Variants in EXOG observed in about 807,000 individuals in gnomAD.
EXOG encodes nuclease EXOG, mitochondrial.
A neutral mutation model predicts 25.8 loss-of-function variants in EXOG; 27 were observed. The ratio of observed to expected loss-of-function variants is 1.05; its 90% CI spans 0.77 to 1.45. EXOG has a LOEUF of 1.45. Among genes scored for constraint, EXOG ranks in the 40% most tolerant of loss-of-function variants. EXOG has a pLI of 0.00. For missense variants in EXOG, 458 were observed against 450.5 expected, an observed-to-expected ratio of 1.02 and a Z score of -0.15; for synonymous variants, 133 against 167.0, an observed-to-expected ratio of 0.80 and a Z score of 1.57.
rs2060845560 is a variant in EXOG at position 38,525,403 on chromosome 3, A to G, written c.*1041A>G. ...GTGGGCCTGAGGCATGCTTGGCAAG[A>G]AGAGTCTGGTTTCTCGTCTGCTATG... is the stretch of plus-strand genomic sequence containing the variant. On this transcript the variant is annotated 3_prime_UTR_variant, in exon 6 of 6. Transcript: ENST00000287675. The G allele has an allele frequency of 2.0e-6, 2 of 985,270 alleles. No homozygotes were observed. The highest frequency in any genetic ancestry group is 2.4e-6 in the Non-Finnish European group (2 of 829,922). 61.0% of individuals were successfully genotyped at this position (985,270 alleles called of 1,614,324 possible).
intron 5 of EXOG, among the ~76,000 whole-genome samples, chr3:38,512,966 T>C (rs1356636022): frequency 6.6e-6 from 1 of 152,090 alleles, no homozygotes; most frequent in Non-Finnish European, 1.5e-5. Context: ...CCAGCTAATT[T>C]TTAAGTTTCT....
chr3:38,518,091 A>G (rs2060602083), intron 5 of EXOG, among the ~76,000 whole-genome samples: 1 of 152,188 alleles, frequency 6.6e-6, no homozygotes, highest in South Asian at 2.1e-4. Context: ...AAATTTTTAT[A>G]TATATGCACA....
At chr3:38,520,174 T>C (rs1159606448) in intron 5 of EXOG, among the ~76,000 whole-genome samples, 30 of 152,176 alleles carry the variant, frequency 2.0e-4, no homozygotes. Context: ...GTATTGTTTG[T>C]TTTGGGTCTC....
rs1211616450 is a variant in EXOG, at chr3:38,526,113, G to A, written c.*1751G>A. The A allele has an allele frequency of 1.0e-6, 1 of 985,210 alleles. No individual in the cohort carries two copies. The highest frequency in any genetic ancestry group is 1.7e-5 in the African/African-American group (1 of 57,174). The allele number at this position is 985,210 out of a possible 1,614,324, so 61.0% of individuals were successfully genotyped here. ...TTCTGAGCCAGATCTCTTGATTTGGGTTTACACGGAGTCCTTTCATGGACT... is the reference window on the plus strand; with the variant it reads ...TTCTGAGCCAGATCTCTTGATTTGGATTTACACGGAGTCCTTTCATGGACT... On this transcript the variant is annotated 3_prime_UTR_variant, in exon 6 of 6. Coordinates refer to ENST00000287675, the MANE Select transcript of EXOG (RefSeq NM_005107.4).
At chr3:38,512,780 A>G (rs1225099815) in intron 5 of EXOG, among the ~76,000 whole-genome samples, 1 of 152,088 alleles carries the variant, frequency 6.6e-6, no homozygotes, top group East Asian at 1.9e-4. Flanking sequence ...TTTGGCTCAC[A>G]TGGTATATAT....
Position 38,503,636 on chromosome 3 carries a change from T to C in EXOG, c.475T>C (p.Tyr159His). The C allele has an allele frequency of 6.2e-7, 1 of 1,605,396 alleles. No homozygotes were observed. Among genetic ancestry groups the C allele is most frequent in the African/African-American group, 1.3e-5 (1 of 74,874 alleles). The change falls in exon 4 of 6, where the codon TAC becomes CAC. Residue 159 changes from tyrosine (Y) to histidine (H), a missense_variant. This residue lies in a region of EXOG where 275 missense variants were observed against 230.5 expected (regional missense o/e 1.19). Coordinates refer to ENST00000287675, the MANE Select transcript of EXOG (RefSeq NM_005107.4). ...FSSKAMAETF[Y>H]LSNIVPQDFD... ...ACAGAAAGCCATGGCTGAAACCTTT[T>C]ACCTTTCTAACATTGTGCCTCAGGA... is the stretch of plus-strand genomic sequence containing the variant.
intron 2 of EXOG, among the ~76,000 whole-genome samples, chr3:38,498,339 G>A (rs1466615224): frequency 6.6e-6 from 1 of 152,136 alleles, no homozygotes; most frequent in East Asian, 1.9e-4. Flanking sequence ...TGAGGCGTTT[G>A]AGCTCAGGAG....
intron 5 of EXOG, among the ~76,000 whole-genome samples, chr3:38,516,283 A>G (rs1440158561): frequency 2.6e-5 from 4 of 151,964 alleles, no homozygotes; most frequent in Non-Finnish European, 5.9e-5. Flanking sequence ...TTAACTGGAA[A>G]CCCTACTTTA....
chr3:38,502,840 A>G (rs1358294283), intron 3 of EXOG, among the ~76,000 whole-genome samples: 3 of 152,144 alleles, frequency 2.0e-5, no homozygotes, highest in African/African-American at 7.2e-5. Context: ...AGTGTCTTTC[A>G]TGATATTGAC....
chr3:38,496,835 C>CAGT (rs1226998635), intron 1 of EXOG: 1 of 1,369,862 alleles, frequency 7.3e-7, no homozygotes. Context: ...TCTGTGTTCT[C>CAGT]TACTAAGATT....
At chr3:38,502,999 G>A (rs549814290) in intron 3 of EXOG, among the ~76,000 whole-genome samples, 29 of 152,264 alleles carry the variant, frequency 1.9e-4, no homozygotes, top group African/African-American at 6.5e-4. Context: ...TCAGGGATGA[G>A]ACCCAGGCAT....
chr3:38,524,463 T>C lies in EXOG; in HGVS notation c.*101T>C. On this transcript the variant is annotated 3_prime_UTR_variant, in exon 6 of 6. Coordinates refer to ENST00000287675, the MANE Select transcript of EXOG (RefSeq NM_005107.4). ...TTTGCTTTTTGCTTTTTAAAAAGTT[T>C]TTCTCTTTAAGAGATGTGGTCTCGC... is the stretch of plus-strand genomic sequence containing the variant. The C allele has an allele frequency of 6.9e-7, 1 of 1,454,492 alleles. No homozygotes were observed. The allele number at this position is 1,454,492 out of a possible 1,614,324, so 90.1% of individuals were successfully genotyped here.
chr3:38,511,611 G>A (rs1559688016), intron 5 of EXOG, among the ~76,000 whole-genome samples: 1 of 152,226 alleles, frequency 6.6e-6, no homozygotes, highest in Non-Finnish European at 1.5e-5. Flanking sequence ...CCTACCGGTA[G>A]TAGACCACAG....
chr3:38,510,703 T>G (rs528739339), intron 5 of EXOG, among the ~76,000 whole-genome samples: 1 of 150,120 alleles, frequency 6.7e-6, no homozygotes, highest in Non-Finnish European at 1.5e-5. Context: ...ATATAGATAT[T>G]TAAATAAAAT....
chr3:38,503,988 AGT>A (rs1018902463), intron 4 of EXOG, among the ~76,000 whole-genome samples: 2 of 152,180 alleles, frequency 1.3e-5, no homozygotes, highest in African/African-American at 4.8e-5. Flanking sequence ...ATCTTTTTTG[AGT>A]GTGTTCAGTG....
At chr3:38,523,464 A>C (rs1047798782) in intron 5 of EXOG, 1 of 277,258 alleles carries the variant, frequency 3.6e-6, no homozygotes, top group Non-Finnish European at 5.5e-6. Flanking sequence ...CCTGGGTTCA[A>C]GCAATTCTTC....
intron 1 of EXOG, chr3:38,497,316 A>G: frequency 9.2e-7 from 1 of 1,088,400 alleles, no homozygotes; most frequent in South Asian, 3.1e-5. Context: ...CACACATATC[A>G]GTGCTTCAGA....
At chr3:38,498,245 G>A (rs996460227) in intron 2 of EXOG, among the ~76,000 whole-genome samples, 9 of 152,186 alleles carry the variant, frequency 5.9e-5, no homozygotes, top group Non-Finnish European at 8.8e-5. Flanking sequence ...GCAAGTTAGT[G>A]TAGTATAATT....
intron 5 of EXOG, among the ~76,000 whole-genome samples, chr3:38,514,068 A>G (rs112220146): frequency 1.1e-3 from 163 of 152,356 alleles, no homozygotes; most frequent in African/African-American, 3.6e-3. Flanking sequence ...TGCTCTGCTC[A>G]GTGTGACTAG....
Sources: allele counts gnomAD v4.1 joint callset (sites outside exome capture counted in the v4.1 genomes callset), GRCh38; gene constraint gnomAD v4.1.1; regional missense constraint gnomAD v4.1.1; transcripts MANE v1.5; gene names NCBI Gene and HGNC (gene_info 2026-07-23, HGNC 2026-07-21).